The following KCNQ3 variants were observed in gnomAD, a reference collection of about 807,000 sequenced individuals.
KCNQ3 encodes the protein potassium voltage-gated channel subfamily KQT member 3.
In KCNQ3, 30 loss-of-function variants were observed where a neutral mutation model predicts 92.5. That is an observed-to-expected ratio of 0.32 (90% CI 0.24 to 0.44). The LOEUF (loss-of-function observed/expected upper bound fraction) is 0.44. Ranked by LOEUF, KCNQ3 falls within the 20% of genes least tolerant of loss-of-function variation. The pLI is 1.00. For synonymous variants in KCNQ3, 450 were observed against 468.8 expected (o/e 0.96, Z 0.52); for missense variants, 913 against 1,140.3 (o/e 0.80, Z 2.87).
chr8:132,339,971 A>G (rs1818476228), intron 1 of KCNQ3, among the ~76,000 whole-genome samples: 1 of 152,070 alleles, frequency 6.6e-6, no homozygotes, highest in African/African-American at 2.4e-5. Flanking sequence ...AAAAAAAAAA[A>G]GCTCATCAAA....
chr8:132,308,668 A>G (rs932291249), intron 1 of KCNQ3, among the ~76,000 whole-genome samples: 21 of 152,234 alleles, frequency 1.4e-4, no homozygotes, highest in Non-Finnish European at 1.0e-4. Context: ...ACAAAGGGTA[A>G]GACTTGTCAA....
At chr8:132,235,932 T>C (rs1814799614) in intron 1 of KCNQ3, among the ~76,000 whole-genome samples, 1 of 152,262 alleles carries the variant, frequency 6.6e-6, no homozygotes, top group African/African-American at 2.4e-5. Context: ...ATCTGACACA[T>C]GACTTGGCAT....
At chr8:132,339,644 G>A (rs562895325) in intron 1 of KCNQ3, among the ~76,000 whole-genome samples, 13 of 150,722 alleles carry the variant, frequency 8.6e-5, no homozygotes, top group Admixed American at 7.9e-4. Context: ...AGGAGGCAGA[G>A]GTTGGAATGA....
In KCNQ3 at chr8:132,184,277, G is replaced by A. The variant is rs919035877; in HGVS notation, c.568C>T (p.Arg190Ter). The change falls in exon 3 of 15, where the codon CGA becomes TGA. Residue 190 changes from arginine (R) to a stop codon, truncating the protein, a stop_gained. Transcript: ENST00000388996. LOFTEE classifies it high-confidence loss of function. ...AGGGGCTTCCTGGCAAACTTCAGTC[G>A]GCCCCGCCAGCCTTTGTATCGGCAG... The part of the protein sequence containing the change: ...CCCRYKGWRG[R>*]LKFARKPLCM... 2.5e-6 allele frequency: 4 copies of A among 1,614,140 alleles called. No individual in the cohort carries two copies. The highest frequency in any genetic ancestry group is 1.1e-5 in the South Asian group (1 of 91,068).
intron 1 of KCNQ3, among the ~76,000 whole-genome samples, chr8:132,291,963 A>AT (rs1319751655): frequency 6.6e-6 from 1 of 152,208 alleles, no homozygotes; most frequent in Non-Finnish European, 1.5e-5. Context: ...CCATAAGGAG[A>AT]TTTTTAATAA....
intron 1 of KCNQ3, among the ~76,000 whole-genome samples, chr8:132,475,314 A>C (rs1822386079): frequency 6.6e-6 from 1 of 152,334 alleles, no homozygotes; most frequent in South Asian, 2.1e-4. Flanking sequence ...GGTAATGGGC[A>C]GAGGTTGGGA....
chr8:132,479,990 A>ACACACACACACACC (rs1554660746), intron 1 of KCNQ3, among the ~76,000 whole-genome samples, 157 bp downstream of exon 1: 1 of 147,696 alleles, frequency 6.8e-6, no homozygotes, highest in African/African-American at 2.5e-5. Context: ...ACACACACAC[A>ACACACACACACACC]CACCCAGGGA....
intron 1 of KCNQ3, among the ~76,000 whole-genome samples, chr8:132,416,664 G>A (rs1167936486): frequency 1.3e-5 from 2 of 152,128 alleles, no homozygotes; most frequent in Non-Finnish European, 2.9e-5. Context: ...CTCAAGAGGT[G>A]TATACATCCA....
rs74332527 is a variant in KCNQ3 at position 132,143,824 on chromosome 8, G to T, written c.1263-2493C>A. Among the ~76,000 whole-genome samples, 28 of 151,842 alleles carry T rather than the reference G, an allele frequency of 1.8e-4. 1 individual carries two copies. In the South Asian group the frequency reaches 2.5e-3, roughly 14 times the overall value. On this transcript the variant is annotated intron_variant, in intron 9 of 14. Coordinates refer to ENST00000388996, the MANE Select transcript of KCNQ3 (RefSeq NM_004519.4). ...CTGGGCCACAAATAAAGGTTTTTTT[G>T]GTTGTTGTTGTTTAAATGAACTGAA...
chr8:132,169,570 G>A (rs1269245383), intron 8 of KCNQ3, among the ~76,000 whole-genome samples: 2 of 152,222 alleles, frequency 1.3e-5, no homozygotes, highest in Non-Finnish European at 2.9e-5. Context: ...GGAGTCCAGA[G>A]TAGTCTGTGG....
chr8:132,264,710 GCTCTAT>G (rs1428375667), intron 1 of KCNQ3, among the ~76,000 whole-genome samples: 69 of 152,262 alleles, frequency 4.5e-4, no homozygotes, highest in African/African-American at 1.6e-3. Flanking sequence ...TTAAATCCGT[GCTCTAT>G]CTCTGTCTAG....
At chr8:132,407,480 C>T (rs1820521955) in intron 1 of KCNQ3, among the ~76,000 whole-genome samples, 1 of 152,236 alleles carries the variant, frequency 6.6e-6, no homozygotes, top group African/African-American at 2.4e-5. Context: ...CTTCCTGCAT[C>T]TAAGAACCGG....
chr8:132,268,185 G>A, intron 1 of KCNQ3, among the ~76,000 whole-genome samples: 1 of 152,196 alleles, frequency 6.6e-6, no homozygotes, highest in East Asian at 1.9e-4. Context: ...GAGTCATATA[G>A]TATGTAGCTT....
intron 1 of KCNQ3, among the ~76,000 whole-genome samples, chr8:132,461,429 G>A (rs529213278): frequency 6.6e-6 from 1 of 152,176 alleles, no homozygotes; most frequent in African/African-American, 2.4e-5. Flanking sequence ...GCCGGGCGTG[G>A]TGGTGGGCAC....
rs75794132 is a variant in KCNQ3 at position 132,125,601 on chromosome 8, A to T, written c.*3661T>A. 3.3e-5 allele frequency: 5 copies of T among 152,222 alleles called. No homozygotes were observed. The highest frequency in any genetic ancestry group is 7.3e-5 in the Non-Finnish European group (5 of 68,038). The allele number at this position is 152,222 out of a possible 1,614,324, so 9.4% of individuals were successfully genotyped here. A position where few individuals can be genotyped will look rare whatever the true frequency, so the allele number is the denominator to read the frequency against. On this transcript the variant is annotated 3_prime_UTR_variant, in exon 15 of 15. Coordinates refer to ENST00000388996, the MANE Select transcript of KCNQ3 (RefSeq NM_004519.4). ...ATTTCAGTAGCATGGAATTATGAGG[A>T]TGATTTTGCCAAATTATGAGTAGGT...
At chr8:132,289,236 G>C (rs1199136929) in intron 1 of KCNQ3, among the ~76,000 whole-genome samples, 1 of 152,142 alleles carries the variant, frequency 6.6e-6, no homozygotes, top group Non-Finnish European at 1.5e-5. Flanking sequence ...TCATTGTATG[G>C]CATGCCAATT....
rs528961253 is a variant in KCNQ3, at chr8:132,173,172, G to A, written c.1045-479C>T. ...CTTTGACTATAGCCGGAACTTCCCA[G>A]AATTGGGATCTGTTTTGATTTTCAG... On this transcript the variant is annotated intron_variant, in intron 6 of 14. Transcript: ENST00000388996. Among the ~76,000 whole-genome samples, 12 of 152,324 alleles carry A rather than the reference G, an allele frequency of 7.9e-5. No homozygotes were observed. In the South Asian group the frequency reaches 1.2e-3, roughly 16 times the overall value.
chr8:132,221,170 T>C (rs951074449), intron 1 of KCNQ3, among the ~76,000 whole-genome samples: 1 of 152,238 alleles, frequency 6.6e-6, no homozygotes, highest in Non-Finnish European at 1.5e-5. Flanking sequence ...GGCTGCATAG[T>C]ATTCCATCGT....
intron 1 of KCNQ3, among the ~76,000 whole-genome samples, chr8:132,398,115 T>C (rs1479936695): frequency 6.6e-6 from 1 of 152,226 alleles, no homozygotes; most frequent in African/African-American, 2.4e-5. Flanking sequence ...CAGCAATTTT[T>C]TTAAATCATC....
Sources: gnomAD v4.1 joint callset for allele counts (sites outside exome capture counted in the v4.1 genomes callset) on GRCh38, gnomAD v4.1.1 for gene constraint, MANE v1.5 for transcripts, NCBI Gene and HGNC (gene_info 2026-07-23, HGNC 2026-07-21) for gene names.